The following AGPS variants were observed in gnomAD, a reference collection of about 807,000 sequenced individuals.
AGPS encodes the protein alkyldihydroxyacetonephosphate synthase, peroxisomal.
A neutral mutation model predicts 90.7 loss-of-function variants in AGPS; 26 were observed. The observed-to-expected ratio is 0.29, with a 90% CI of 0.21 to 0.40. AGPS has a LOEUF of 0.40. AGPS is among the 10% of genes least tolerant of loss of function. The probability of loss-of-function intolerance (pLI) is 1.00; values close to 1 mark genes in which losing one functional copy is unlikely to be tolerated. For missense variants in AGPS, 540 were observed against 816.1 expected, an observed-to-expected ratio of 0.66 and a Z score of 4.12; for synonymous variants, 294 against 285.3, an observed-to-expected ratio of 1.03 and a Z score of -0.31.
At chr2:177,420,437 A>G (rs1450026577) in intron 2 of AGPS, 79 bp downstream of exon 2, 8 of 1,028,080 alleles carry the variant, frequency 7.8e-6, no homozygotes, top group Non-Finnish European at 1.1e-5. Flanking sequence ...ACATGAAAAT[A>G]TAATGATTCC....
chr2:177,445,909 T>TG (rs1253537261), intron 8 of AGPS, among the ~76,000 whole-genome samples: 1 of 152,176 alleles, frequency 6.6e-6, no homozygotes, highest in Non-Finnish European at 1.5e-5. Flanking sequence ...GAGTGAAAAT[T>TG]GCTATGTGGA....
chr2:177,446,512 C>T (rs975014015), intron 8 of AGPS, among the ~76,000 whole-genome samples: 4 of 152,044 alleles, frequency 2.6e-5, no homozygotes, highest in African/African-American at 9.7e-5. Context: ...GAGAACATGT[C>T]TTCTTGGTAT....
At chr2:177,497,858 C>T in intron 13 of AGPS, 93 bp downstream of exon 13, 1 of 569,110 alleles carries the variant, frequency 1.8e-6, no homozygotes, top group South Asian at 2.8e-5. Flanking sequence ...GGGTGTTTTT[C>T]CATGTTGCTA....
chr2:177,505,611 A>T, intron 15 of AGPS, 36 bp downstream of exon 15: 1 of 1,561,568 alleles, frequency 6.4e-7, no homozygotes. Flanking sequence ...CACTTAATTT[A>T]TGTTGCAAAC....
At chr2:177,491,773 CT>C (rs796961141) in intron 11 of AGPS, among the ~76,000 whole-genome samples, 1,027 of 34,202 alleles carry the variant, frequency 0.03, 37 homozygotes, top group African/African-American at 0.091. Context: ...CCCCCCCCCC[CT>C]TTTTTTTCAT....
intron 14 of AGPS, among the ~76,000 whole-genome samples, chr2:177,503,308 A>T (rs1430572281): frequency 2.0e-5 from 3 of 152,220 alleles, no homozygotes; most frequent in Non-Finnish European, 2.9e-5. Context: ...GTCAGCACTC[A>T]TGACAGGTGT....
intron 2 of AGPS, among the ~76,000 whole-genome samples, chr2:177,431,493 A>G (rs1169649693): frequency 2.0e-5 from 3 of 152,156 alleles, no homozygotes; most frequent in Non-Finnish European, 2.9e-5. Flanking sequence ...TCCCCACCCT[A>G]ATAAGCCAGA....
chr2:177,409,578 C>T (rs1211517713), intron 1 of AGPS, among the ~76,000 whole-genome samples: 1 of 152,034 alleles, frequency 6.6e-6, no homozygotes, highest in Admixed American at 6.6e-5. Flanking sequence ...CTCTCAGTCT[C>T]GGCTCTCAAC....
intron 1 of AGPS, among the ~76,000 whole-genome samples, chr2:177,417,867 G>A (rs1051882706): frequency 3.9e-5 from 6 of 152,072 alleles, no homozygotes; most frequent in Admixed American, 2.0e-4. Context: ...AACTATCAGA[G>A]TATATACTAG....
intron 1 of AGPS, among the ~76,000 whole-genome samples, chr2:177,412,167 G>A (rs1351828559): frequency 1.3e-5 from 2 of 152,166 alleles, no homozygotes; most frequent in East Asian, 3.8e-4. Flanking sequence ...TGAACCATTA[G>A]TATCTAGGAG....
chr2:177,507,907 C>A, intron 15 of AGPS, 63 bp from the exon 16 acceptor site: 1 of 1,089,082 alleles, frequency 9.2e-7, no homozygotes, highest in Non-Finnish European at 1.4e-6. Flanking sequence ...GAAAGACTAA[C>A]AGTGTTATTG....
At chr2:177,449,501 C>T (rs1025238823) in intron 8 of AGPS, among the ~76,000 whole-genome samples, 7 of 152,238 alleles carry the variant, frequency 4.6e-5, no homozygotes, top group African/African-American at 1.4e-4. Context: ...TGGCTCACTG[C>T]AGCCTTGACC....
intron 18 of AGPS, among the ~76,000 whole-genome samples, chr2:177,522,938 G>A (rs894734876): frequency 5.9e-5 from 9 of 152,242 alleles, no homozygotes; most frequent in South Asian, 2.1e-4. Flanking sequence ...GGAACTGAAG[G>A]CAATTCCAGT....
intron 2 of AGPS, among the ~76,000 whole-genome samples, chr2:177,422,909 C>CAGCCAAACAGTGGCTGAACAG (rs372544357): frequency 2.1e-4 from 16 of 77,290 alleles, no homozygotes; most frequent in African/African-American, 4.0e-4. Context: ...TATTGAGTAT[C>CAGCCAAACAGTGGCTGAACAG]TACTGAGTTA....
chr2:177,536,731 G>A (rs1336332646), intron 19 of AGPS, among the ~76,000 whole-genome samples: 10 of 151,786 alleles, frequency 6.6e-5, no homozygotes, highest in Non-Finnish European at 7.4e-5. Context: ...ATTTCCCCCC[G>A]TCTTAATACC....
intron 5 of AGPS, among the ~76,000 whole-genome samples, chr2:177,437,468 T>G (rs1178056187): frequency 2.6e-5 from 4 of 152,148 alleles, no homozygotes; most frequent in African/African-American, 9.6e-5. Context: ...GTCAAACAAG[T>G]TTTATGTATT....
chr2:177,394,432 G>A (rs1461419444), intron 1 of AGPS, among the ~76,000 whole-genome samples: 1 of 152,206 alleles, frequency 6.6e-6, no homozygotes, highest in Non-Finnish European at 1.5e-5. Context: ...TATGTTCACA[G>A]GTAAAGAAGT....
chr2:177,475,267 G>A (rs1256647525), intron 10 of AGPS, among the ~76,000 whole-genome samples: 1 of 152,196 alleles, frequency 6.6e-6, no homozygotes, highest in East Asian at 1.9e-4. Context: ...ATAGTGGAAG[G>A]AAATTCGCAA....
chr2:177,436,373 A>G (rs986738282), intron 3 of AGPS, among the ~76,000 whole-genome samples: 5 of 151,968 alleles, frequency 3.3e-5, no homozygotes, highest in African/African-American at 7.3e-5. Context: ...GATGGTCTCA[A>G]TCTCCTGACC....
Sources: gnomAD v4.1 joint callset for allele counts (sites outside exome capture counted in the v4.1 genomes callset) on GRCh38, gnomAD v4.1.1 for gene constraint, MANE v1.5 for transcripts, NCBI Gene and HGNC (gene_info 2026-07-23, HGNC 2026-07-21) for gene names.